The following SCARA5 variants were observed in gnomAD, a reference collection of about 807,000 sequenced individuals.
The protein encoded by SCARA5 is scavenger receptor class A member 5, also known as scavenger receptor class A, member 5 (putative).
SCARA5 carries 45 observed loss-of-function variants against 46.3 expected under a neutral mutation model. The ratio of observed to expected loss-of-function variants is 0.97; its 90% CI spans 0.76 to 1.24. The LOEUF (loss-of-function observed/expected upper bound fraction) is 1.24, where lower values mean the gene tolerates loss of function less well. Ranked by LOEUF, SCARA5 falls within the 50% of genes most tolerant of loss-of-function variation. The pLI is 0.00. For synonymous variants in SCARA5, 333 were observed against 306.5 expected, an observed-to-expected ratio of 1.09 and a Z score of -0.90; for missense variants, 680 against 689.0, an observed-to-expected ratio of 0.99 and a Z score of 0.15.
intron 3 of SCARA5, among the ~76,000 whole-genome samples, chr8:27,929,831 A>G (rs898004431): frequency 6.6e-6 from 1 of 152,182 alleles, no homozygotes; most frequent in Non-Finnish European, 1.5e-5. Flanking sequence ...CACACTTACA[A>G]TGTAGAATTG....
intron 3 of SCARA5, among the ~76,000 whole-genome samples, chr8:27,942,949 C>T (rs1807976040): frequency 6.6e-6 from 1 of 152,222 alleles, no homozygotes; most frequent in Admixed American, 6.5e-5. Context: ...CACCATAGTT[C>T]TGCAAACACA....
chr8:27,887,246 G>A (rs1176192294), intron 7 of SCARA5, among the ~76,000 whole-genome samples: 1 of 152,112 alleles, frequency 6.6e-6, no homozygotes, highest in Non-Finnish European at 1.5e-5. Context: ...CCCTTCCTGA[G>A]CAAATGAGGA....
At chr8:27,956,966 C>T (rs9644133) in intron 3 of SCARA5, among the ~76,000 whole-genome samples, 29,069 of 152,054 alleles carry the variant, frequency 0.19, 3,009 homozygotes, top group East Asian at 0.42. Context: ...TCAGCTTCCA[C>T]GCCAGTAAAA....
intron 3 of SCARA5, among the ~76,000 whole-genome samples, chr8:27,949,463 G>A (rs1030193696): frequency 2.0e-5 from 3 of 152,214 alleles, no homozygotes; most frequent in African/African-American, 7.2e-5. Context: ...CCTATTGGAT[G>A]GGAAATATGA....
At chr8:27,973,083 T>A (rs1808470966) in intron 2 of SCARA5, among the ~76,000 whole-genome samples, 1 of 152,220 alleles carries the variant, frequency 6.6e-6, no homozygotes, top group East Asian at 1.9e-4. Flanking sequence ...CAGTTATTTT[T>A]GTGGCAAAGA....
intron 2 of SCARA5, among the ~76,000 whole-genome samples, chr8:27,975,514 G>GA (rs59125779): frequency 0.38 from 58,403 of 151,750 alleles, 11,567 homozygotes; most frequent in East Asian, 0.48. Flanking sequence ...CAACCTGTGG[G>GA]AATCCAAGGC....
At chr8:27,973,382 C>T (rs965594174) in intron 2 of SCARA5, among the ~76,000 whole-genome samples, 4 of 152,226 alleles carry the variant, frequency 2.6e-5, no homozygotes, top group Middle Eastern at 6.8e-3. Context: ...GAGGCTGAGG[C>T]AGGACAACTG....
intron 2 of SCARA5, among the ~76,000 whole-genome samples, chr8:27,977,215 C>T (rs1808539227): frequency 6.6e-6 from 1 of 152,134 alleles, no homozygotes; most frequent in African/African-American, 2.4e-5. Flanking sequence ...CTCCCAGAGG[C>T]CCCACCTCCT....
At chr8:27,990,149 A>G (rs568950700) in intron 1 of SCARA5, among the ~76,000 whole-genome samples, 1 of 152,282 alleles carries the variant, frequency 6.6e-6, no homozygotes, top group South Asian at 2.1e-4. Context: ...TGTGAAGGGC[A>G]GCTGTCTCCT....
At chr8:27,964,455 A>G (rs2129933460) in intron 3 of SCARA5, among the ~76,000 whole-genome samples, 1 of 152,356 alleles carries the variant, frequency 6.6e-6, no homozygotes, top group African/African-American at 2.4e-5. Flanking sequence ...CATTTCTATT[A>G]GATTGGGAAA....
At chr8:27,946,921 C>T (rs1024914787) in intron 3 of SCARA5, among the ~76,000 whole-genome samples, 11 of 142,428 alleles carry the variant, frequency 7.7e-5, no homozygotes, top group African/African-American at 1.6e-4. Flanking sequence ...TTCATGATCC[C>T]CTTAGCTTTT....
chr8:27,898,573 A>G (rs997644053), intron 7 of SCARA5, among the ~76,000 whole-genome samples: 1 of 152,246 alleles, frequency 6.6e-6, no homozygotes, highest in Admixed American at 6.5e-5. Flanking sequence ...TTCTTAAGCG[A>G]TAAGAGTGAC....
rs147053775 is a variant in SCARA5, at chr8:27,898,134, T to G, written c.1153+6644A>C. ...CCTCTGCACATCCTTATTTTACCAC[T>G]TGACTTCTTAAAGGGGCCAGGCCTT... is the stretch of plus-strand genomic sequence containing the variant. On this transcript the variant is annotated intron_variant, in intron 7 of 8. Transcript: ENST00000354914. Among the ~76,000 whole-genome samples the G allele has an allele frequency of 6.2e-3, 944 of 152,342 alleles. 5 individuals carry two copies. Among genetic ancestry groups the G allele is most frequent in the Middle Eastern group, 0.014 (4 of 294 alleles).
chr8:27,987,766 C>T, intron 1 of SCARA5, 136 bp from the exon 2 acceptor site: 1 of 611,672 alleles, frequency 1.6e-6, no homozygotes, highest in Non-Finnish European at 2.9e-6. Flanking sequence ...ACACCGGGAC[C>T]CTCTGCTCAT....
At position 27,929,151 on chromosome 8, in the gene SCARA5, T is replaced by C. The variant is rs904500750; in HGVS notation, c.242-6906A>G. Among the ~76,000 whole-genome samples, 9 of 152,208 alleles carry C rather than the reference T, an allele frequency of 5.9e-5. 1 individual carries two copies. The highest frequency in any genetic ancestry group is 4.6e-4 in the Admixed American group (7 of 15,284). On this transcript the variant is annotated intron_variant, in intron 3 of 8. Coordinates refer to ENST00000354914, the MANE Select transcript of SCARA5 (RefSeq NM_173833.6). ...TAGTAGTGTAATAATCTATGATTAATGTATTCATGTCTGCTGCAGGCCCCG... is the reference window on the plus strand; with the variant it reads ...TAGTAGTGTAATAATCTATGATTAACGTATTCATGTCTGCTGCAGGCCCCG...
chr8:27,880,407 A>AG (rs1806792699), intron 7 of SCARA5, among the ~76,000 whole-genome samples: 1 of 150,324 alleles, frequency 6.7e-6, no homozygotes, highest in Non-Finnish European at 1.5e-5. Context: ...AAAAAAAAAA[A>AG]CCTATCAACA....
At chr8:27,877,977 C>T (rs144358752) in intron 8 of SCARA5, among the ~76,000 whole-genome samples, 43 of 152,350 alleles carry the variant, frequency 2.8e-4, no homozygotes, top group African/African-American at 8.4e-4. Flanking sequence ...GACCTGGCTC[C>T]GAGTCCCCAT....
chr8:27,967,059 C>G (rs1808380836), intron 2 of SCARA5, among the ~76,000 whole-genome samples: 2 of 152,194 alleles, frequency 1.3e-5, no homozygotes, highest in African/African-American at 4.8e-5. Context: ...TGGGTGTGGC[C>G]AGATCCAGAA....
rs189500242 is a variant in SCARA5 at position 27,935,558 on chromosome 8, G to A, written c.242-13313C>T. 2.1e-3 allele frequency among the ~76,000 whole-genome samples: 322 copies of A among 152,304 alleles called. 1 individual carries two copies. Among genetic ancestry groups the A allele is most frequent in the African/African-American group, 7.4e-3 (307 of 41,566 alleles). On this transcript the variant is annotated intron_variant, in intron 3 of 8. Coordinates refer to ENST00000354914, the MANE Select transcript of SCARA5 (RefSeq NM_173833.6). ...AAGAGCTGCTAAGAGCAAGCAGGGTGACAGCACCAAAGCAGAAAAGTCAAT... is the reference window on the plus strand; with the variant it reads ...AAGAGCTGCTAAGAGCAAGCAGGGTAACAGCACCAAAGCAGAAAAGTCAAT...
Sources: gnomAD v4.1 joint callset for allele counts (sites outside exome capture counted in the v4.1 genomes callset) on GRCh38, gnomAD v4.1.1 for gene constraint, MANE v1.5 for transcripts, NCBI Gene and HGNC (gene_info 2026-07-23, HGNC 2026-07-21) for gene names.